Variants in KHDRBS2 observed in about 807,000 individuals in gnomAD.
KHDRBS2 encodes KH domain-containing, RNA-binding, signal transduction-associated protein 2.
Under a neutral mutation model 44.3 loss-of-function variants are expected in KHDRBS2, and 26 were observed. The observed-to-expected ratio is 0.59, with a 90% CI of 0.43 to 0.81. The LOEUF is 0.81. Among genes scored for constraint, KHDRBS2 ranks in the 40% least tolerant of loss-of-function variants. The pLI is 0.00. For missense variants in KHDRBS2, 476 were observed against 433.1 expected, an observed-to-expected ratio of 1.10 and a Z score of -0.88; for synonymous variants, 194 against 151.1, an observed-to-expected ratio of 1.28 and a Z score of -2.08.
chr6:62,201,179 A>G (rs897797293), intron 1 of KHDRBS2, among the ~76,000 whole-genome samples: 5 of 152,148 alleles, frequency 3.3e-5, no homozygotes, highest in Non-Finnish European at 5.9e-5. Context: ...GTACATGTAT[A>G]CATATATAAC....
At chr6:61,741,960 G>A (rs1310223172) in intron 6 of KHDRBS2, among the ~76,000 whole-genome samples, 2 of 151,758 alleles carry the variant, frequency 1.3e-5, no homozygotes, top group Non-Finnish European at 2.9e-5. Flanking sequence ...AGGTCAGCAG[G>A]CATTACAATA....
intron 6 of KHDRBS2, among the ~76,000 whole-genome samples, chr6:61,890,970 G>T (rs934120962): frequency 6.6e-6 from 1 of 152,142 alleles, no homozygotes; most frequent in African/African-American, 2.4e-5. Flanking sequence ...TTCCTAAAAG[G>T]AATACATGCT....
At chr6:61,704,670 A>T (rs527352384) in intron 7 of KHDRBS2, among the ~76,000 whole-genome samples, 1 of 151,986 alleles carries the variant, frequency 6.6e-6, no homozygotes, top group South Asian at 2.1e-4. Context: ...AAGCATGATT[A>T]TATTTTGGCT....
chr6:61,607,483 T>A, the KHDRBS2 span, among the ~76,000 whole-genome samples: 1 of 105,996 alleles, frequency 9.4e-6, no homozygotes. Flanking sequence ...ATAAATTACA[T>A]TAGACTTGAG....
At chr6:62,034,775 C>G (rs1784978164) in intron 3 of KHDRBS2, among the ~76,000 whole-genome samples, 1 of 142,666 alleles carries the variant, frequency 7.0e-6, no homozygotes, top group Non-Finnish European at 1.5e-5. Flanking sequence ...TGTTACTGAA[C>G]ATAGTACTGC....
intron 2 of KHDRBS2, among the ~76,000 whole-genome samples, chr6:62,066,245 G>A (rs1187247532): frequency 2.0e-5 from 3 of 151,616 alleles, no homozygotes; most frequent in Admixed American, 6.6e-5. Context: ...GAATAAAAAT[G>A]TTTCTAGAGT....
the KHDRBS2 span, among the ~76,000 whole-genome samples, chr6:61,551,116 G>T: frequency 6.6e-6 from 1 of 152,026 alleles, no homozygotes; most frequent in Non-Finnish European, 1.5e-5. Context: ...TTTCTTTAAT[G>T]GTTAGTGATA....
intron 6 of KHDRBS2, among the ~76,000 whole-genome samples, chr6:61,792,806 C>T (rs1201594802): frequency 5.3e-5 from 8 of 151,794 alleles, no homozygotes; most frequent in Non-Finnish European, 1.0e-4. Context: ...TAGAAAGACT[C>T]GGTATCAGAG....
intron 3 of KHDRBS2, among the ~76,000 whole-genome samples, chr6:61,999,553 A>G (rs1777833565): frequency 1.3e-5 from 2 of 152,068 alleles, no homozygotes; most frequent in Admixed American, 1.3e-4. Flanking sequence ...GATTTTGTGG[A>G]TCCAAAGCTA....
chr6:61,566,000 T>G, the KHDRBS2 span, among the ~76,000 whole-genome samples: 5 of 10,228 alleles, frequency 4.9e-4, no homozygotes, highest in Admixed American at 8.3e-3. Flanking sequence ...GAAAATGTGG[T>G]GTGTGTGTGT....
intron 6 of KHDRBS2, among the ~76,000 whole-genome samples, chr6:61,872,316 T>A (rs1798773699): frequency 6.6e-6 from 1 of 152,158 alleles, no homozygotes; most frequent in Non-Finnish European, 1.5e-5. Context: ...ATAGTGCATG[T>A]GAATCCAAAT....
chr6:61,643,396 A>G, the KHDRBS2 span, among the ~76,000 whole-genome samples: 2 of 152,160 alleles, frequency 1.3e-5, no homozygotes, highest in African/African-American at 4.8e-5. Context: ...CTTTGAAAAC[A>G]GGCATAAGAC....
the KHDRBS2 span, among the ~76,000 whole-genome samples, chr6:61,674,387 T>C: frequency 3.3e-5 from 5 of 151,772 alleles, no homozygotes; most frequent in Admixed American, 1.3e-4. Context: ...TTTTGGAAAA[T>C]GTGTGGGTTA....
At chr6:61,945,107 A>ATATATATATGTATGT (rs1562490070) in intron 4 of KHDRBS2, among the ~76,000 whole-genome samples, 2 of 37,402 alleles carry the variant, frequency 5.3e-5, no homozygotes, top group South Asian at 1.0e-3. Flanking sequence ...AAAAAAAAAA[A>ATATATATATGTATGT]AAAAAGTATA....
the KHDRBS2 span, among the ~76,000 whole-genome samples, chr6:61,627,714 G>A: frequency 3.3e-5 from 5 of 152,246 alleles, no homozygotes; most frequent in Admixed American, 2.0e-4. Flanking sequence ...CTGGGGACAT[G>A]GATGATTCAT....
chr6:62,127,641 C>G (rs1310635654), intron 2 of KHDRBS2, among the ~76,000 whole-genome samples: 1 of 151,966 alleles, frequency 6.6e-6, no homozygotes, highest in East Asian at 1.9e-4. Context: ...CTGTTAGAAT[C>G]TGCTAGGTTG....
At chr6:62,056,191 GAATA>G (rs1003234656) in intron 2 of KHDRBS2, among the ~76,000 whole-genome samples, 26 of 151,384 alleles carry the variant, frequency 1.7e-4, no homozygotes, top group African/African-American at 5.3e-4. Flanking sequence ...TGGTACAAAT[GAATA>G]AATAAATTGT....
intron 1 of KHDRBS2, among the ~76,000 whole-genome samples, chr6:62,183,312 T>C (rs1239567993): frequency 6.6e-6 from 1 of 151,712 alleles, no homozygotes; most frequent in African/African-American, 2.4e-5. Context: ...ATTTTAAAAT[T>C]ATATATTTTC....
chr6:61,885,038 A>C (rs1430784173), intron 6 of KHDRBS2, among the ~76,000 whole-genome samples: 2 of 152,238 alleles, frequency 1.3e-5, no homozygotes, highest in South Asian at 2.1e-4. Context: ...AGCAATAACA[A>C]ACAACTGTAA....
Sources: gnomAD v4.1 joint callset for allele counts (sites outside exome capture counted in the v4.1 genomes callset) on GRCh38, gnomAD v4.1.1 for gene constraint, MANE v1.5 for transcripts, NCBI Gene and HGNC (gene_info 2026-07-23, HGNC 2026-07-21) for gene names.